The following FGF12 variants were observed in gnomAD, a reference collection of about 807,000 sequenced individuals.
FGF12 encodes fibroblast growth factor 12.
A neutral mutation model predicts 23.6 loss-of-function variants in FGF12; 14 were observed. The observed-to-expected ratio is 0.59, with a 90% CI of 0.39 to 0.93. The LOEUF is 0.93. Among genes scored for constraint, FGF12 ranks in the 40% least tolerant of loss-of-function variants. The probability of loss-of-function intolerance (pLI) is 0.00; values close to 1 mark genes in which losing one functional copy is unlikely to be tolerated. For missense variants in FGF12, 175 were observed against 217.8 expected, an observed-to-expected ratio of 0.80 and a Z score of 1.24; for synonymous variants, 62 against 77.3, an observed-to-expected ratio of 0.80 and a Z score of 1.04.
At chr3:192,235,159 T>C (rs889247513) in intron 4 of FGF12, among the ~76,000 whole-genome samples, 2 of 152,128 alleles carry the variant, frequency 1.3e-5, no homozygotes. Flanking sequence ...TGGCTGTGAG[T>C]CCATCTGGTT....
At chr3:192,154,668 C>G (rs577715543) in intron 5 of FGF12, among the ~76,000 whole-genome samples, 27 of 143,026 alleles carry the variant, frequency 1.9e-4, no homozygotes, top group Admixed American at 7.7e-4. Context: ...GTAGTCTGCC[C>G]GTTCTCAGAT....
intron 4 of FGF12, among the ~76,000 whole-genome samples, chr3:192,206,459 A>G (rs779946797): frequency 6.6e-6 from 1 of 152,216 alleles, no homozygotes; most frequent in Non-Finnish European, 1.5e-5. Context: ...AAAAGTAATG[A>G]CAGGAAGAAC....
At chr3:192,279,850 C>A (rs528857745) in intron 4 of FGF12, among the ~76,000 whole-genome samples, 1 of 152,254 alleles carries the variant, frequency 6.6e-6, no homozygotes, top group Admixed American at 6.5e-5. Flanking sequence ...TCTCCAGGGT[C>A]CCTTCCAGAT....
At position 192,181,364 on chromosome 3, in the gene FGF12, G is replaced by GACACACACACAC. The variant is rs200578658; in HGVS notation, c.229-10720_229-10709dup. ...GACAAGACCTACACGCACACACACA[G>GACACACACACAC]ACACACACACACAGACACACACACA... On this transcript the variant is annotated intron_variant, in intron 4 of 5. Coordinates refer to ENST00000445105, the MANE Select transcript of FGF12 (RefSeq NM_004113.6). Among the ~76,000 whole-genome samples, 133 of 142,850 alleles carry GACACACACACAC rather than the reference G, an allele frequency of 9.3e-4. 1 individual carries two copies. Among genetic ancestry groups the GACACACACACAC allele is most frequent in the East Asian group, 9.0e-3 (45 of 4,994 alleles). 93.7% of individuals were successfully genotyped at this position (142,850 alleles called of 152,430 possible).
chr3:192,675,006 A>G (rs1717272343), intron 2 of FGF12, among the ~76,000 whole-genome samples: 1 of 152,208 alleles, frequency 6.6e-6, no homozygotes, highest in African/African-American at 2.4e-5. Context: ...CTGTGTGATC[A>G]TGGTTTTTAA....
At chr3:192,683,623 GT>G (rs1717623556) in intron 2 of FGF12, among the ~76,000 whole-genome samples, 1 of 151,986 alleles carries the variant, frequency 6.6e-6, no homozygotes, top group African/African-American at 2.4e-5. Context: ...CTGTTACAAA[GT>G]TTAAAAAAAA....
chr3:192,303,913 A>G (rs1715478023), intron 4 of FGF12, among the ~76,000 whole-genome samples: 1 of 152,214 alleles, frequency 6.6e-6, no homozygotes, highest in African/African-American at 2.4e-5. Flanking sequence ...TTTTCCTACT[A>G]TTAGAGAAAC....
At chr3:192,254,368 T>C (rs1349567059) in intron 4 of FGF12, among the ~76,000 whole-genome samples, 1 of 151,926 alleles carries the variant, frequency 6.6e-6, no homozygotes, top group East Asian at 1.9e-4. Flanking sequence ...TTATTAAGGC[T>C]GAAGTGTATT....
At chr3:192,590,904 C>A (rs1004467901) in intron 2 of FGF12, among the ~76,000 whole-genome samples, 1 of 151,802 alleles carries the variant, frequency 6.6e-6, no homozygotes, top group East Asian at 1.9e-4. Flanking sequence ...TTGACATAAA[C>A]CTTGTTCTGC....
intron 1 of FGF12, 29 bp downstream of exon 1, chr3:192,727,455 C>A (rs535850920): frequency 3.2e-6 from 3 of 929,570 alleles, no homozygotes; most frequent in Admixed American, 3.0e-5. Flanking sequence ...GCACAGTGCC[C>A]GCTCAGATTT....
chr3:192,699,610 A>T lies in FGF12; in HGVS notation c.13+27571T>A, dbSNP rs562581650. ...TCTTCAGCCACACTAGCAGAAAGTC[A>T]CCACTCTAACAAAATAAGCCATCAC... On this transcript the variant is annotated intron_variant, in intron 2 of 5. Coordinates refer to ENST00000445105, the MANE Select transcript of FGF12 (RefSeq NM_004113.6). Among the ~76,000 whole-genome samples the T allele has an allele frequency of 3.9e-5, 6 of 152,334 alleles. No homozygotes were observed. The South Asian group carries it at 1.2e-3, about 32-fold the overall frequency.
chr3:192,338,700 A>G (rs1028638296), intron 3 of FGF12, among the ~76,000 whole-genome samples: 1 of 152,210 alleles, frequency 6.6e-6, no homozygotes, highest in African/African-American at 2.4e-5. Flanking sequence ...CACAAGTCCA[A>G]CATTCAATTA....
chr3:192,250,523 T>C (rs1212917272), intron 4 of FGF12, among the ~76,000 whole-genome samples: 1 of 152,124 alleles, frequency 6.6e-6, no homozygotes, highest in African/African-American at 2.4e-5. Flanking sequence ...GAAAAATATA[T>C]TAAGATTTAA....
At chr3:192,665,783 A>AT (rs201710911) in intron 2 of FGF12, among the ~76,000 whole-genome samples, 142 of 113,328 alleles carry the variant, frequency 1.3e-3, no homozygotes, top group Non-Finnish European at 1.6e-3. Context: ...TTAAAGTAAA[A>AT]TTTTTAAAAA....
intron 2 of FGF12, among the ~76,000 whole-genome samples, chr3:192,718,268 T>A (rs1439239446): frequency 2.1e-5 from 3 of 141,592 alleles, no homozygotes; most frequent in African/African-American, 8.0e-5. Flanking sequence ...GTTGTATAAA[T>A]AAACTCATCT....
intron 2 of FGF12, among the ~76,000 whole-genome samples, chr3:192,617,986 T>C (rs1419085504): frequency 6.6e-6 from 1 of 152,088 alleles, no homozygotes; most frequent in Non-Finnish European, 1.5e-5. Context: ...GTTATTGATA[T>C]AAATATGACT....
chr3:192,325,689 G>A (rs4438608), intron 4 of FGF12, among the ~76,000 whole-genome samples: 37,544 of 152,042 alleles, frequency 0.25, 6,022 homozygotes, highest in African/African-American at 0.44. Context: ...ATCTTTTTAG[G>A]ATGGAACAGA....
At chr3:192,536,242 T>C (rs762211798) in intron 2 of FGF12, among the ~76,000 whole-genome samples, 5 of 152,108 alleles carry the variant, frequency 3.3e-5, no homozygotes, top group Non-Finnish European at 7.3e-5. Context: ...AGTCGAGTGA[T>C]TGTGACAAAG....
intron 2 of FGF12, among the ~76,000 whole-genome samples, chr3:192,579,303 A>G (rs1007951923): frequency 1.3e-5 from 2 of 152,180 alleles, no homozygotes. Flanking sequence ...CAGCACTATG[A>G]AAAGCAATTC....
Sources: allele counts gnomAD v4.1 joint callset (sites outside exome capture counted in the v4.1 genomes callset), GRCh38; gene constraint gnomAD v4.1.1; transcripts MANE v1.5; gene names NCBI Gene and HGNC (gene_info 2026-07-23, HGNC 2026-07-21).